The following EIF4EBP2 variants were observed in gnomAD, a reference collection of about 807,000 sequenced individuals.
The protein encoded by EIF4EBP2 is eukaryotic translation initiation factor 4E-binding protein 2.
A neutral mutation model predicts 10.3 loss-of-function variants in EIF4EBP2; 5 were observed. The observed-to-expected ratio is 0.48, with a 90% CI of 0.25 to 1.02. The LOEUF (loss-of-function observed/expected upper bound fraction) is 1.02, where lower values mean the gene tolerates loss of function less well. Among genes scored for constraint, EIF4EBP2 ranks in the 50% least tolerant of loss-of-function variants. The probability of loss-of-function intolerance (pLI) is 0.15; values close to 1 mark genes in which losing one functional copy is unlikely to be tolerated. For synonymous variants in EIF4EBP2, 67 were observed against 61.1 expected (o/e 1.10, Z -0.45); for missense variants, 188 against 162.2 (o/e 1.16, Z -0.86).
chr10:70,418,069 G>A (rs1156413580), intron 1 of EIF4EBP2, among the ~76,000 whole-genome samples: 1 of 152,196 alleles, frequency 6.6e-6, no homozygotes, highest in Non-Finnish European at 1.5e-5. Flanking sequence ...TTCCCAACAT[G>A]ATAGTATTAG....
Position 70,426,217 on chromosome 10 carries a change from G to C in EIF4EBP2, c.*4470G>C, listed in dbSNP as rs1487840490. The C allele has an allele frequency of 6.6e-6, 1 of 152,198 alleles. No homozygotes were observed. The highest frequency in any genetic ancestry group is 1.5e-5 in the Non-Finnish European group (1 of 68,036). The allele number at this position is 152,198 out of a possible 1,614,324, so 9.4% of individuals were successfully genotyped here. A position where few individuals can be genotyped will look rare whatever the true frequency, so the allele number is the denominator to read the frequency against. On this transcript the variant is annotated 3_prime_UTR_variant, in exon 3 of 3. Coordinates refer to ENST00000373218, the MANE Select transcript of EIF4EBP2 (RefSeq NM_004096.5). The stretch of plus-strand genomic sequence containing the variant: ...GCACTCATTCCTAACCAAGTCTTTA[G>C]AGATTTCAGATGACCTTAAAGATGC...
chr10:70,428,612 G>A lies in EIF4EBP2; in HGVS notation c.*6865G>A, dbSNP rs1845228767. 1 of 152,230 alleles carries A rather than the reference G, an allele frequency of 6.6e-6. No homozygotes were observed. Among genetic ancestry groups the A allele is most frequent in the Non-Finnish European group, 1.5e-5 (1 of 68,044 alleles). The allele number at this position is 152,230 out of a possible 1,614,324, so 9.4% of individuals were successfully genotyped here. On this transcript the variant is annotated 3_prime_UTR_variant, in exon 3 of 3. Transcript: ENST00000373218. ...ATAGTTAAATCAGTAAAGATCTTGAGTATCAACTTGGTGTTTTAATTTTTT... is the reference window on the plus strand; with the variant it reads ...ATAGTTAAATCAGTAAAGATCTTGAATATCAACTTGGTGTTTTAATTTTTT...
intron 1 of EIF4EBP2, among the ~76,000 whole-genome samples, chr10:70,413,609 C>CAAAAAAAAAA (rs57681671): frequency 7.2e-5 from 7 of 97,366 alleles, no homozygotes; most frequent in Non-Finnish European, 1.4e-4. Context: ...CCCTGACTCT[C>CAAAAAAAAAA]AAAAAAAAAA....
At position 70,420,075 on chromosome 10, in the gene EIF4EBP2, A is replaced by G; in HGVS notation, c.307A>G (p.Asn103Asp). 1 of 1,609,066 alleles carries G rather than the reference A, an allele frequency of 6.2e-7. No homozygotes were observed. The highest frequency in any genetic ancestry group is 8.5e-7 in the Non-Finnish European group (1 of 1,178,376). Residue 103 changes from asparagine (N) to aspartate (D), a missense_variant, in exon 2 of 3, where the codon AAT becomes GAT. By Grantham distance (23) the Asn-to-Asp change is conservative. Coordinates refer to ENST00000373218, the MANE Select transcript of EIF4EBP2 (RefSeq NM_004096.5). ...AGTAAACAATTTGAACAACTTGAAC[A>G]ATCACGACAGGAAACATGCAGTTGG... is the stretch of plus-strand genomic sequence containing the variant. ...VEVNNLNNLN[N>D]HDRKHAVGDD...
chr10:70,410,917 C>T (rs1424348599), intron 1 of EIF4EBP2, among the ~76,000 whole-genome samples: 4 of 152,160 alleles, frequency 2.6e-5, no homozygotes, highest in African/African-American at 9.7e-5. Context: ...AATTCAATGT[C>T]TAGGCTTGAA....
rs923207706 is a variant in EIF4EBP2 at position 70,422,510 on chromosome 10, C to T, written c.*763C>T. 1.3e-5 allele frequency: 2 copies of T among 152,012 alleles called. No individual in the cohort carries two copies. Among genetic ancestry groups the T allele is most frequent in the Non-Finnish European group, 2.9e-5 (2 of 68,026 alleles). 9.4% of individuals were successfully genotyped at this position (152,012 alleles called of 1,614,324 possible). A position where few individuals can be genotyped will look rare whatever the true frequency, so the allele number is the denominator to read the frequency against. Reference sequence around the variant, plus strand: ...TACATCAGAAGAGAGCCCTTGGTAACCAGTTTTGCTCTTCTTCTGCCACTC... The same window carrying T: ...TACATCAGAAGAGAGCCCTTGGTAATCAGTTTTGCTCTTCTTCTGCCACTC... On this transcript the variant is annotated 3_prime_UTR_variant, in exon 3 of 3. Transcript: ENST00000373218.
chr10:70,421,489 T>C (rs1025817011), intron 2 of EIF4EBP2, among the ~76,000 whole-genome samples: 4 of 152,230 alleles, frequency 2.6e-5, no homozygotes, highest in African/African-American at 9.6e-5. Context: ...TGGGGATGTT[T>C]TCACTTGTGT....
chr10:70,416,318 C>T (rs994012876), intron 1 of EIF4EBP2, among the ~76,000 whole-genome samples: 1 of 152,152 alleles, frequency 6.6e-6, no homozygotes, highest in Non-Finnish European at 1.5e-5. Flanking sequence ...CGGTGGCTCA[C>T]GCCTGTAATC....
rs551467475 is a variant in EIF4EBP2, at chr10:70,404,373, G to C, written c.-29G>C. 3.3e-6 allele frequency: 5 copies of C among 1,529,276 alleles called. No homozygotes were observed. Among genetic ancestry groups the C allele is most frequent in the Middle Eastern group, 2.3e-4 (1 of 4,284 alleles). 94.7% of individuals were successfully genotyped at this position (1,529,276 alleles called of 1,614,324 possible). ...CCCCGCCGCCGCCGCCTGCCCGCCG[G>C]ACAAAGCCGAGAGCCCGCGCCCACA... On this transcript the variant is annotated 5_prime_UTR_variant, in exon 1 of 3. Transcript: ENST00000373218.
intron 1 of EIF4EBP2, among the ~76,000 whole-genome samples, chr10:70,410,420 T>A (rs193026338): frequency 2.4e-4 from 37 of 152,342 alleles, no homozygotes; most frequent in Admixed American, 1.2e-3. Flanking sequence ...TTCAGAGATT[T>A]GATGGTTGTG....
Position 70,422,010 on chromosome 10 carries a change from C to CCCTT in EIF4EBP2, c.*264_*267dup, listed in dbSNP as rs1845162434. On this transcript the variant is annotated 3_prime_UTR_variant, in exon 3 of 3. Transcript: ENST00000373218. Reference sequence around the variant, plus strand: ...GCTGTATTTCTGTAGAGCTAAGCAGCCCTTAGAGGAAAACAGTTCAACTCT... The same window carrying CCCTT: ...GCTGTATTTCTGTAGAGCTAAGCAGCCCTTCCTTAGAGGAAAACAGTTCAACTCT... The CCCTT allele has an allele frequency of 2.3e-6, 1 of 444,072 alleles. No homozygotes were observed. Among genetic ancestry groups the CCCTT allele is most frequent in the East Asian group, 3.3e-5 (1 of 30,368 alleles). 27.5% of individuals were successfully genotyped at this position (444,072 alleles called of 1,614,324 possible).
intron 1 of EIF4EBP2, among the ~76,000 whole-genome samples, chr10:70,407,450 G>C (rs1326778399): frequency 1.3e-5 from 2 of 152,030 alleles, no homozygotes; most frequent in Non-Finnish European, 2.9e-5. Context: ...CAGATCAACA[G>C]GATCCCAAGG....
rs745348043 is a variant in EIF4EBP2 at position 70,419,978 on chromosome 10, C to T, written c.210C>T (p.Thr70=). 8 of 1,612,296 alleles carry T rather than the reference C, an allele frequency of 5.0e-6. No homozygotes were observed. The highest frequency in any genetic ancestry group is 5.9e-6 in the Non-Finnish European group (7 of 1,179,402). Residue 70 remains threonine (T), a synonymous_variant, in exon 2 of 3, where the codon ACC becomes ACT. Coordinates refer to ENST00000373218, the MANE Select transcript of EIF4EBP2 (RefSeq NM_004096.5). ...GTCGCAATTCTCCCATGGCTCAGAC[C>T]CCACCCTGCCACCTGCCCAATATCC... ...LDRRNSPMAQ[T]PPCHLPNIPG...
In EIF4EBP2 at chr10:70,404,519, G is replaced by T. The variant is rs1844947590; in HGVS notation, c.118G>T (p.Gly40Trp). The T allele has an allele frequency of 1.9e-6, 3 of 1,589,610 alleles. No individual in the cohort carries two copies. The highest frequency in any genetic ancestry group is 2.6e-6 in the Non-Finnish European group (3 of 1,171,234). Residue 40 changes from glycine to tryptophan, a missense_variant, in exon 1 of 3, where the codon GGG becomes TGG. Transcript: ENST00000373218. ...TCATGACTATTGCACCACGCCCGGGGGGACGCTCTTCTCCACCACACCGGG... is the reference window on the plus strand; with the variant it reads ...TCATGACTATTGCACCACGCCCGGGTGGACGCTCTTCTCCACCACACCGGG... The part of the protein sequence containing the change: ...LPHDYCTTPG[G>W]TLFSTTPGGT...
rs560393061 is a variant in EIF4EBP2 at position 70,417,453 on chromosome 10, CTA to C, written c.146-2459_146-2458del. On this transcript the variant is annotated intron_variant, in intron 1 of 2. Coordinates refer to ENST00000373218, the MANE Select transcript of EIF4EBP2 (RefSeq NM_004096.5). ...GTACAGTCCTGCGAATCAACTAAAACTATTGAATTATACACTGTAAGTGGATC... is the reference window on the plus strand; with the variant it reads ...GTACAGTCCTGCGAATCAACTAAAACTTGAATTATACACTGTAAGTGGATC... Among the ~76,000 whole-genome samples the C allele has an allele frequency of 4.9e-3, 741 of 151,982 alleles. 3 individuals are homozygous for C. Among genetic ancestry groups the C allele is most frequent in the African/African-American group, 0.017 (702 of 41,274 alleles).
intron 1 of EIF4EBP2, among the ~76,000 whole-genome samples, chr10:70,408,371 C>T (rs1845006404): frequency 6.6e-6 from 1 of 152,196 alleles, no homozygotes; most frequent in Non-Finnish European, 1.5e-5. Flanking sequence ...GCCTCGGCCT[C>T]CCAAAGTGCT....
chr10:70,404,632 C>T lies in EIF4EBP2; in HGVS notation c.145+86C>T, dbSNP rs1443166305. ...GCGCCTCGGTGCCCGGCCGCTTCGC[C>T]CCCGCCCCCAGCTCCACCGAAGCCC... is the stretch of plus-strand genomic sequence containing the variant. On this transcript the variant is annotated intron_variant, in intron 1 of 2. Coordinates refer to ENST00000373218, the MANE Select transcript of EIF4EBP2 (RefSeq NM_004096.5). 11 of 1,393,688 alleles carry T rather than the reference C, an allele frequency of 7.9e-6. No individual in the cohort carries two copies. In the African/African-American group the frequency reaches 9.1e-5, roughly 12 times the overall value. The allele number at this position is 1,393,688 out of a possible 1,614,324, so 86.3% of individuals were successfully genotyped here.
chr10:70,405,916 A>T (rs1844960394), intron 1 of EIF4EBP2, among the ~76,000 whole-genome samples: 1 of 152,212 alleles, frequency 6.6e-6, no homozygotes, highest in Admixed American at 6.5e-5. Context: ...ACTTTGCAGA[A>T]TAGTGGAGTT....
At chr10:70,416,706 T>C (rs1391824549) in intron 1 of EIF4EBP2, among the ~76,000 whole-genome samples, 1 of 148,684 alleles carries the variant, frequency 6.7e-6, no homozygotes, top group Non-Finnish European at 1.5e-5. Context: ...CACTCTGTCA[T>C]CTAAGCTGAG....
Sources: allele counts gnomAD v4.1 joint callset (sites outside exome capture counted in the v4.1 genomes callset), GRCh38; gene constraint gnomAD v4.1.1; transcripts MANE v1.5; gene names NCBI Gene and HGNC (gene_info 2026-07-23, HGNC 2026-07-21).